Variants in WWOX observed in about 807,000 individuals in gnomAD.
WWOX encodes the protein WW domain-containing oxidoreductase.
WWOX carries 69 observed loss-of-function variants against 46.2 expected under a neutral mutation model. That is an observed-to-expected ratio of 1.49 (90% CI 1.23 to 1.82). The LOEUF (loss-of-function observed/expected upper bound fraction) is 1.82, where lower values mean the gene tolerates loss of function less well. Ranked by LOEUF, WWOX falls within the 40% of genes most tolerant of loss-of-function variation. WWOX has a pLI of 0.00. For missense variants in WWOX, 919 were observed against 542.6 expected (o/e 1.69, Z -6.89); for synonymous variants, 359 against 202.6 (o/e 1.77, Z -6.56).
chr16:78,595,873 C>G (rs1378273496), intron 8 of WWOX, among the ~76,000 whole-genome samples: 1 of 152,166 alleles, frequency 6.6e-6, no homozygotes, highest in Admixed American at 6.5e-5. Flanking sequence ...TTCTGTGCAA[C>G]AGGGCACCAG....
chr16:78,107,169 A>T (rs769288125), intron 1 of WWOX, among the ~76,000 whole-genome samples: 3 of 152,226 alleles, frequency 2.0e-5, no homozygotes, highest in Non-Finnish European at 4.4e-5. Flanking sequence ...GGTTGGCATG[A>T]GTAGGTGAAC....
At chr16:78,243,224 A>G (rs993905664) in intron 5 of WWOX, among the ~76,000 whole-genome samples, 133 of 152,324 alleles carry the variant, frequency 8.7e-4, no homozygotes, top group African/African-American at 3.1e-3. Flanking sequence ...TAGTACATTA[A>G]ATCACAAGAG....
intron 8 of WWOX, among the ~76,000 whole-genome samples, chr16:78,519,486 A>G (rs768642856): frequency 2.0e-5 from 3 of 151,096 alleles, no homozygotes; most frequent in Non-Finnish European, 4.4e-5. Flanking sequence ...TTATACATCT[A>G]TGAAATATAT....
intron 5 of WWOX, chr16:78,168,203 C>T (rs967343536): frequency 6.6e-6 from 1 of 152,252 alleles, no homozygotes; most frequent in South Asian, 2.1e-4. Flanking sequence ...GATAAGAGTT[C>T]ATTCCTCCAT....
At chr16:78,107,768 C>T (rs77270263) in intron 1 of WWOX, among the ~76,000 whole-genome samples, 6,934 of 152,140 alleles carry the variant, frequency 0.046, 439 homozygotes, top group African/African-American at 0.14. Flanking sequence ...CCAGGAGTTC[C>T]AGTCCAGCCT....
chr16:78,191,789 G>A (rs1004749822), intron 5 of WWOX, among the ~76,000 whole-genome samples: 1 of 152,144 alleles, frequency 6.6e-6, no homozygotes, highest in Non-Finnish European at 1.5e-5. Flanking sequence ...GTGGAAAAAT[G>A]AACTGGAATA....
At chr16:78,531,650 C>T (rs1364159887) in intron 8 of WWOX, among the ~76,000 whole-genome samples, 1 of 151,926 alleles carries the variant, frequency 6.6e-6, no homozygotes, top group Non-Finnish European at 1.5e-5. Flanking sequence ...CGAGACTAGC[C>T]TGGCCAACAT....
intron 8 of WWOX, among the ~76,000 whole-genome samples, chr16:78,624,385 A>T (rs1270143681): frequency 1.3e-5 from 2 of 152,112 alleles, no homozygotes; most frequent in Non-Finnish European, 2.9e-5. Context: ...TCACCTCTGA[A>T]ACAAGACGAA....
intron 8 of WWOX, among the ~76,000 whole-genome samples, chr16:78,869,780 A>C (rs917876792): frequency 6.6e-6 from 1 of 152,220 alleles, no homozygotes; most frequent in Non-Finnish European, 1.5e-5. Flanking sequence ...ATAGCCTCTT[A>C]GCAGAGCCAA....
rs368551666 is a variant in WWOX, at chr16:78,407,018, TTGG to T, written c.606-17848_606-17846del. 1.3e-3 allele frequency among the ~76,000 whole-genome samples: 199 copies of T among 152,352 alleles called. 1 individual carries two copies. Among genetic ancestry groups the T allele is most frequent in the African/African-American group, 4.5e-3 (189 of 41,580 alleles). On this transcript the variant is annotated intron_variant, in intron 6 of 8. Transcript: ENST00000566780. ...TGCTGCATTTTGGGCAGCTGTGGCC[TTGG>T]TGGATTGCTGAAGTAGATTTGACCT...
At chr16:78,971,283 G>A (rs2004675) in intron 8 of WWOX, among the ~76,000 whole-genome samples, 3 of 151,424 alleles carry the variant, frequency 2.0e-5, no homozygotes, top group South Asian at 4.2e-4. Context: ...GGCCAACATG[G>A]TGAAATCCCA....
intron 8 of WWOX, among the ~76,000 whole-genome samples, chr16:78,569,912 C>G (rs1254418169): frequency 6.6e-6 from 1 of 152,174 alleles, no homozygotes; most frequent in East Asian, 1.9e-4. Flanking sequence ...CCATCGGTAC[C>G]TCTTGTCACA....
chr16:79,162,263 C>T (rs764356173), intron 8 of WWOX, among the ~76,000 whole-genome samples: 1 of 152,202 alleles, frequency 6.6e-6, no homozygotes, highest in Non-Finnish European at 1.5e-5. Context: ...TCACGGAAGT[C>T]TGCCTCTGTG....
chr16:78,983,613 C>G (rs1443821262), intron 8 of WWOX, among the ~76,000 whole-genome samples: 5 of 152,168 alleles, frequency 3.3e-5, no homozygotes, highest in Non-Finnish European at 1.5e-5. Flanking sequence ...ATTTTCTAGA[C>G]TCTCCTGGTG....
intron 8 of WWOX, among the ~76,000 whole-genome samples, chr16:78,746,467 C>A (rs942121691): frequency 1.3e-5 from 2 of 152,170 alleles, no homozygotes; most frequent in Admixed American, 1.3e-4. Context: ...CACTACACTC[C>A]AGTACACTCC....
chr16:79,184,378 G>T (rs1402671532), intron 8 of WWOX, among the ~76,000 whole-genome samples: 2 of 152,192 alleles, frequency 1.3e-5, no homozygotes, highest in East Asian at 3.9e-4. Context: ...GGAACAAAGT[G>T]TGTCCATGGG....
chr16:78,780,872 C>A (rs1356565470), intron 8 of WWOX, among the ~76,000 whole-genome samples: 1 of 152,108 alleles, frequency 6.6e-6, no homozygotes, highest in Non-Finnish European at 1.5e-5. Context: ...TTAAGCAGGG[C>A]AGTGATGTTT....
intron 8 of WWOX, chr16:79,004,134 G>T (rs2006902): frequency 0.61 from 92,511 of 152,060 alleles, 30,161 homozygotes; most frequent in Non-Finnish European, 0.72. Context: ...TTTATCATCC[G>T]TCTACCCACA....
chr16:78,338,179 T>TA lies in WWOX; in HGVS notation c.517-48674dup, dbSNP rs68132402. The stretch of plus-strand genomic sequence containing the variant: ...AATTTATCACATGGAAACAAACTTT[T>TA]AAAAAAATTAATTTTGTGAATTAAA... On this transcript the variant is annotated intron_variant, in intron 5 of 8. Transcript: ENST00000566780. 3.3e-5 allele frequency among the ~76,000 whole-genome samples: 4 copies of TA among 119,700 alleles called. 1 individual carries two copies. The highest frequency in any genetic ancestry group is 3.9e-4 in the East Asian group (2 of 5,148). 78.5% of individuals were successfully genotyped at this position (119,700 alleles called of 152,430 possible).
Sources: gnomAD v4.1 joint callset for allele counts (sites outside exome capture counted in the v4.1 genomes callset) on GRCh38, gnomAD v4.1.1 for gene constraint, MANE v1.5 for transcripts, NCBI Gene and HGNC (gene_info 2026-07-23, HGNC 2026-07-21) for gene names.